Variants in SLC8A1 observed in about 807,000 individuals in gnomAD.
SLC8A1 encodes the protein sodium/calcium exchanger 1.
In SLC8A1, 18 loss-of-function variants were observed where a neutral mutation model predicts 68.3. The ratio of observed to expected loss-of-function variants is 0.26; its 90% CI spans 0.18 to 0.39. The LOEUF is 0.39. Among genes scored for constraint, SLC8A1 ranks in the 10% least tolerant of loss-of-function variants. SLC8A1 has a pLI of 1.00. For missense variants in SLC8A1, 985 were observed against 1,156.7 expected (o/e 0.85, Z 2.15); for synonymous variants, 475 against 415.5 (o/e 1.14, Z -1.74).
intron 2 of SLC8A1, among the ~76,000 whole-genome samples, chr2:40,279,804 G>A (rs528013734): frequency 2.8e-4 from 42 of 152,248 alleles, no homozygotes; most frequent in Admixed American, 2.5e-3. Flanking sequence ...GAGCTCTCAC[G>A]TGCCCCCAAC....
At chr2:40,153,625 A>G (rs534994579) in intron 6 of SLC8A1, among the ~76,000 whole-genome samples, 135 of 152,302 alleles carry the variant, frequency 8.9e-4, no homozygotes, top group African/African-American at 3.1e-3. Context: ...CAAGCCTGAA[A>G]CAACCTACCT....
At chr2:40,186,929 T>G (rs747855802) in intron 2 of SLC8A1, among the ~76,000 whole-genome samples, 7 of 152,238 alleles carry the variant, frequency 4.6e-5, no homozygotes, top group Non-Finnish European at 7.3e-5. Context: ...ATATATTGCA[T>G]GCAAAAATTA....
At chr2:40,504,353 T>A (rs557853742) in intron 1 of SLC8A1, among the ~76,000 whole-genome samples, 124 of 152,146 alleles carry the variant, frequency 8.2e-4, no homozygotes, top group African/African-American at 2.8e-3. Flanking sequence ...ACCATGAAAC[T>A]ACTACAAGAA....
intron 3 of SLC8A1, 90 bp from the exon 5 acceptor site, chr2:40,174,932 A>G: frequency 1.7e-6 from 2 of 1,199,130 alleles, no homozygotes; most frequent in Non-Finnish European, 2.4e-6. Flanking sequence ...CAACCCACCC[A>G]AGGTACTTGC....
chr2:40,162,708 C>T (rs1018015561), intron 5 of SLC8A1, among the ~76,000 whole-genome samples: 1 of 152,104 alleles, frequency 6.6e-6, no homozygotes, highest in Non-Finnish European at 1.5e-5. Context: ...TGAACTTGGA[C>T]ACTGTTGTCT....
At chr2:40,313,020 C>G (rs59777629) in intron 2 of SLC8A1, among the ~76,000 whole-genome samples, 5 of 152,132 alleles carry the variant, frequency 3.3e-5, no homozygotes, top group Admixed American at 6.6e-5. Flanking sequence ...TATATACACA[C>G]ACACACATAT....
intron 7 of SLC8A1, among the ~76,000 whole-genome samples, chr2:40,128,217 C>T (rs918022520): frequency 6.6e-6 from 1 of 152,190 alleles, no homozygotes; most frequent in African/African-American, 2.4e-5. Context: ...ATTGAGTTAG[C>T]ATTTTATTTG....
chr2:40,259,453 T>C (rs34870052), intron 2 of SLC8A1, among the ~76,000 whole-genome samples: 4,519 of 152,270 alleles, frequency 0.03, 94 homozygotes, highest in Non-Finnish European at 0.05. Context: ...CTCTTTCCCA[T>C]TGCTTTCTTC....
At position 40,306,824 on chromosome 2, in the gene SLC8A1, G is replaced by C. The variant is rs181911308; in HGVS notation, c.1808+121649C>G. Among the ~76,000 whole-genome samples, 23 of 152,194 alleles carry C rather than the reference G, an allele frequency of 1.5e-4. No individual in the cohort carries two copies. In the East Asian group the frequency reaches 4.3e-3, roughly 28 times the overall value. On this transcript the variant is annotated intron_variant, in intron 2 of 7. Transcript: ENST00000406785. ...TTTGTGCTCCAATTTTCCTATCCAG[G>C]GAATGGGGAAGGTAATACTTTCCAC...
At chr2:40,208,121 G>A (rs2055847484) in intron 2 of SLC8A1, among the ~76,000 whole-genome samples, 1 of 152,120 alleles carries the variant, frequency 6.6e-6, no homozygotes, top group African/African-American at 2.4e-5. Flanking sequence ...GAAGGAAGAA[G>A]TTAGGCGCAG....
chr2:40,218,347 C>A (rs1209532153), intron 2 of SLC8A1, among the ~76,000 whole-genome samples: 1 of 152,086 alleles, frequency 6.6e-6, no homozygotes, highest in African/African-American at 2.4e-5. Context: ...AAATTAGGCA[C>A]AGAATTTTTG....
chr2:40,112,581 T>G (rs528661561), exon 8 of SLC8A1: 42 of 152,698 alleles, frequency 2.8e-4, no homozygotes, highest in African/African-American at 9.6e-4. Flanking sequence ...CAAAAATTTT[T>G]CTAATGTTTA....
intron 1 of SLC8A1, among the ~76,000 whole-genome samples, chr2:40,503,343 T>C (rs1407304647): frequency 6.6e-6 from 1 of 152,024 alleles, no homozygotes; most frequent in Non-Finnish European, 1.5e-5. Context: ...TTTTGCATAC[T>C]CTAAGTTCTT....
At chr2:40,290,700 C>A (rs925010474) in intron 2 of SLC8A1, among the ~76,000 whole-genome samples, 1 of 152,126 alleles carries the variant, frequency 6.6e-6, no homozygotes, top group African/African-American at 2.4e-5. Flanking sequence ...TGTTAGTCAA[C>A]AGGATTTGAA....
At position 40,273,896 on chromosome 2, in the gene SLC8A1, A is replaced by G. The variant is rs548789263; in HGVS notation, c.1809-96041T>C. On this transcript the variant is annotated intron_variant, in intron 2 of 7. Coordinates refer to ENST00000406785, the Ensembl canonical transcript of SLC8A1. ...TTTTTTTTTTTCCATTTTAGTTGAG[A>G]TGTGCTGTCAGCCTCTCTCTTGACC... is the stretch of plus-strand genomic sequence containing the variant. 5.6e-5 allele frequency among the ~76,000 whole-genome samples: 8 copies of G among 142,570 alleles called. 1 individual carries two copies. The South Asian group carries it at 1.9e-3, about 33-fold the overall frequency. The allele number at this position is 142,570 out of a possible 152,430, so 93.5% of individuals were successfully genotyped here.
intron 1 of SLC8A1, among the ~76,000 whole-genome samples, chr2:40,442,397 CAA>C (rs550977492): frequency 4.0e-5 from 3 of 75,728 alleles, no homozygotes; most frequent in Admixed American, 1.5e-4. Flanking sequence ...CTTAAATTTA[CAA>C]AAAAAAAAAA....
intron 2 of SLC8A1, among the ~76,000 whole-genome samples, chr2:40,269,014 G>T (rs2065700797): frequency 1.3e-5 from 2 of 152,044 alleles, no homozygotes; most frequent in South Asian, 4.1e-4. Context: ...GATGTCCAAG[G>T]GTTTTACAGG....
intron 2 of SLC8A1, among the ~76,000 whole-genome samples, chr2:40,417,212 A>G (rs1002353965): frequency 1.3e-5 from 2 of 152,016 alleles, no homozygotes; most frequent in African/African-American, 4.8e-5. Context: ...CAGGTTTGTT[A>G]TATAGGTAAA....
chr2:40,322,630 G>A (rs2075341347), intron 2 of SLC8A1, among the ~76,000 whole-genome samples: 1 of 151,796 alleles, frequency 6.6e-6, no homozygotes, highest in South Asian at 2.1e-4. Flanking sequence ...GAGCTGTGAT[G>A]ACATCACTGC....
Sources: gnomAD v4.1 joint callset for allele counts (sites outside exome capture counted in the v4.1 genomes callset) on GRCh38, gnomAD v4.1.1 for gene constraint, MANE v1.5 for transcripts, NCBI Gene and HGNC (gene_info 2026-07-23, HGNC 2026-07-21) for gene names.